ESCO1: variants seen among roughly 807,000 people sequenced by gnomAD.
The protein encoded by ESCO1 is N-acetyltransferase ESCO1.
A neutral mutation model predicts 83.5 loss-of-function variants in ESCO1; 33 were observed. The observed-to-expected ratio is 0.40, with a 90% CI of 0.30 to 0.53. ESCO1 has a LOEUF of 0.53. ESCO1 is among the 20% of genes least tolerant of loss of function. The probability of loss-of-function intolerance (pLI) is 0.63; values close to 1 mark genes in which losing one functional copy is unlikely to be tolerated. For synonymous variants in ESCO1, 332 were observed against 324.3 expected, an observed-to-expected ratio of 1.02 and a Z score of -0.25; for missense variants, 855 against 968.0, an observed-to-expected ratio of 0.88 and a Z score of 1.55.
At chr18:21,553,515 C>G (rs995511553) in intron 8 of ESCO1, among the ~76,000 whole-genome samples, 3 of 140,634 alleles carry the variant, frequency 2.1e-5, no homozygotes, top group Non-Finnish European at 4.7e-5. Context: ...AATGAGAAGA[C>G]AAGCCACAGG....
chr18:21,584,916 G>A (rs1037290536), intron 1 of ESCO1, among the ~76,000 whole-genome samples: 2 of 151,998 alleles, frequency 1.3e-5, no homozygotes, highest in Non-Finnish European at 2.9e-5. Context: ...AGGCCGAGGC[G>A]GGTGGATAAC....
In ESCO1 at chr18:21,596,381, CCT is replaced by C. The variant is rs201340907; in HGVS notation, c.-825+4240_-825+4241del. The stretch of plus-strand genomic sequence containing the variant: ...TACTTAATGCCTCCTTTTAATTTAC[CCT>C]CTGAGTTTTTATCTGTGAGAATCTT... On this transcript the variant is annotated intron_variant, in intron 1 of 11. Transcript: ENST00000269214. 5.6e-3 allele frequency among the ~76,000 whole-genome samples: 854 copies of C among 152,030 alleles called. 6 individuals are homozygous for C. The highest frequency in any genetic ancestry group is 0.018 in the African/African-American group (732 of 41,408).
intron 8 of ESCO1, among the ~76,000 whole-genome samples, chr18:21,542,619 C>G (rs141755455): frequency 1.3e-5 from 2 of 152,154 alleles, no homozygotes; most frequent in Admixed American, 6.5e-5. Flanking sequence ...TTACTAGTAT[C>G]AAACTAAGAT....
intron 1 of ESCO1, among the ~76,000 whole-genome samples, chr18:21,591,608 CCAAT>C (rs2038669401): frequency 6.6e-6 from 1 of 151,868 alleles, no homozygotes; most frequent in Admixed American, 6.6e-5. Flanking sequence ...ATTTTCTTCT[CCAAT>C]CACACTGTTA....
At chr18:21,556,807 T>C (rs535861669) in intron 8 of ESCO1, among the ~76,000 whole-genome samples, 1 of 152,220 alleles carries the variant, frequency 6.6e-6, no homozygotes, top group Admixed American at 6.5e-5. Context: ...CTCAAGCGAT[T>C]CTCCTGCCTC....
intron 8 of ESCO1, among the ~76,000 whole-genome samples, chr18:21,556,501 C>G (rs949415732): frequency 1.3e-5 from 2 of 152,190 alleles, no homozygotes; most frequent in African/African-American, 4.8e-5. Context: ...CCTCAACTTT[C>G]TGTAGCAGCA....
chr18:21,598,573 T>C (rs2038797167), intron 1 of ESCO1, among the ~76,000 whole-genome samples: 1 of 151,758 alleles, frequency 6.6e-6, no homozygotes, highest in Non-Finnish European at 1.5e-5. Flanking sequence ...ATGGTGGCAC[T>C]TGTCTGTAAT....
chr18:21,546,638 C>G (rs1402706818), intron 8 of ESCO1, among the ~76,000 whole-genome samples: 1 of 152,132 alleles, frequency 6.6e-6, no homozygotes, highest in African/African-American at 2.4e-5. Context: ...CCTCAGCCTC[C>G]TAGGCTCAAG....
chr18:21,584,782 C>A (rs1229084606), intron 1 of ESCO1, among the ~76,000 whole-genome samples: 2 of 152,128 alleles, frequency 1.3e-5, no homozygotes, highest in Non-Finnish European at 2.9e-5. Context: ...GATCATGCCA[C>A]TGCATTCCAG....
At chr18:21,559,869 T>G (rs1318099362) in intron 8 of ESCO1, among the ~76,000 whole-genome samples, 1 of 152,044 alleles carries the variant, frequency 6.6e-6, no homozygotes, top group Non-Finnish European at 1.5e-5. Flanking sequence ...TGACCACAGG[T>G]AGAGAACCAA....
At chr18:21,595,835 G>T (rs915456060) in intron 1 of ESCO1, among the ~76,000 whole-genome samples, 2 of 151,342 alleles carry the variant, frequency 1.3e-5, no homozygotes, top group African/African-American at 4.9e-5. Context: ...ATGGTGGCGG[G>T]CGCCTGTACT....
At position 21,536,112 on chromosome 18, in the gene ESCO1, G is replaced by A; in HGVS notation, c.2117C>T (p.Thr706Ile). 1 of 1,614,106 alleles carries A rather than the reference G, an allele frequency of 6.2e-7. No individual in the cohort carries two copies. The highest frequency in any genetic ancestry group is 8.5e-7 in the Non-Finnish European group (1 of 1,180,002). ...QQAPLMCYSR[T>I]KTLLFISNDK... ...ATTGGAAATGAAGAGAAGTGTTTTA[G>A]TTCTGGAATAGCACATTAGTGGAGC... Residue 706 changes from threonine to isoleucine, a missense_variant, in exon 10 of 12, where the codon ACT (threonine) becomes ATT (isoleucine). Thr to Ile is a moderately conservative substitution (Grantham distance 89). Coordinates refer to ENST00000269214, the MANE Select transcript of ESCO1 (RefSeq NM_052911.3).
chr18:21,597,341 G>A (rs1379032365), intron 1 of ESCO1, among the ~76,000 whole-genome samples: 2 of 151,830 alleles, frequency 1.3e-5, no homozygotes, highest in African/African-American at 2.4e-5. Context: ...AACTTATTTT[G>A]GAATATAGTT....
At chr18:21,568,640 T>C (rs960290432) in intron 4 of ESCO1, among the ~76,000 whole-genome samples, 19 of 152,282 alleles carry the variant, frequency 1.2e-4, no homozygotes, top group Non-Finnish European at 2.2e-4. Flanking sequence ...CAGTGGCTAA[T>C]GCCTGTAATC....
chr18:21,539,659 G>C (rs768142051), intron 9 of ESCO1, among the ~76,000 whole-genome samples: 12 of 152,110 alleles, frequency 7.9e-5, no homozygotes, highest in Non-Finnish European at 1.5e-4. Context: ...AGGCCAGCCT[G>C]GCCAATATGG....
intron 2 of ESCO1, among the ~76,000 whole-genome samples, chr18:21,581,333 A>G (rs1427206163): frequency 6.6e-6 from 1 of 152,016 alleles, no homozygotes; most frequent in Admixed American, 6.6e-5. Flanking sequence ...AAGAAAAAAA[A>G]AAACAGGGTA....
In ESCO1 at chr18:21,529,727, T is replaced by C. The variant is rs1169841373; in HGVS notation, c.*616A>G. On this transcript the variant is annotated 3_prime_UTR_variant, in exon 12 of 12. Transcript: ENST00000269214. ...TTCTACTTCCTCCTTCCATCAAAGA[T>C]AGGAAAGAGAAAAATCAGGAAAAAA... The C allele has an allele frequency of 6.6e-6, 1 of 152,160 alleles. No individual in the cohort carries two copies. Among genetic ancestry groups the C allele is most frequent in the Admixed American group, 6.5e-5 (1 of 15,274 alleles). 9.4% of individuals were successfully genotyped at this position (152,160 alleles called of 1,614,324 possible).
rs1296617157 is a variant in ESCO1, at chr18:21,579,778, ACACACACGCGCGCGCG to A, written c.-693-4017_-693-4002del. On this transcript the variant is annotated intron_variant, in intron 2 of 11. Coordinates refer to ENST00000269214, the MANE Select transcript of ESCO1 (RefSeq NM_052911.3). ...GCAACAGAGCGAGATTCTGACACAC[ACACACACGCGCGCGCG>A]CACACACACACACACACACACACAC... 1.3e-4 allele frequency among the ~76,000 whole-genome samples: 7 copies of A among 55,986 alleles called. No individual in the cohort carries two copies. The East Asian group carries it at 2.9e-3, about 23-fold the overall frequency. 36.7% of individuals were successfully genotyped at this position (55,986 alleles called of 152,430 possible). A position where few individuals can be genotyped will look rare whatever the true frequency, so the allele number is the denominator to read the frequency against.
At chr18:21,582,001 T>C (rs1021180760) in intron 2 of ESCO1, among the ~76,000 whole-genome samples, 3 of 151,478 alleles carry the variant, frequency 2.0e-5, no homozygotes, top group Non-Finnish European at 2.9e-5. Flanking sequence ...GGTGGGTGGA[T>C]CACTTGAGCC....
Sources: allele counts gnomAD v4.1 joint callset (sites outside exome capture counted in the v4.1 genomes callset), GRCh38; gene constraint gnomAD v4.1.1; transcripts MANE v1.5; gene names NCBI Gene and HGNC (gene_info 2026-07-23, HGNC 2026-07-21).